Variants in WIPI1 observed in about 807,000 individuals in gnomAD.
WIPI1 encodes the protein WD repeat domain, phosphoinositide interacting 1.
In WIPI1, 45 loss-of-function variants were observed where a neutral mutation model predicts 55.3. The observed-to-expected ratio is 0.81, with a 90% CI of 0.64 to 1.04. The LOEUF is 1.04. Ranked by LOEUF, WIPI1 falls within the 50% of genes least tolerant of loss-of-function variation. The pLI, the probability that WIPI1 is intolerant of heterozygous loss-of-function variation, is 0.00. For synonymous variants in WIPI1, 195 were observed against 217.6 expected (o/e 0.90, Z 0.92); for missense variants, 445 against 559.0 (o/e 0.80, Z 2.06).
intron 8 of WIPI1, among the ~76,000 whole-genome samples, chr17:68,431,913 T>C (rs1472203815): frequency 6.6e-6 from 1 of 152,142 alleles, no homozygotes; most frequent in African/African-American, 2.4e-5. Context: ...GCAATTGCGA[T>C]CACTCACTCG....
rs1442260130 is a variant in WIPI1 at position 68,428,809 on chromosome 17, T to C, written c.1073+20A>G. The C allele has an allele frequency of 6.3e-7, 1 of 1,590,792 alleles. No individual in the cohort carries two copies. The highest frequency in any genetic ancestry group is 1.3e-5 in the African/African-American group (1 of 74,460). ...CGACCAGCTCTCGAAAGGCTGTCTT[T>C]TGAAAAGCAGTCTCTTCACCTGTGG... is the stretch of plus-strand genomic sequence containing the variant. On this transcript the variant is annotated intron_variant, in intron 10 of 12. Coordinates refer to ENST00000262139, the MANE Select transcript of WIPI1 (RefSeq NM_017983.7).
chr17:68,451,529 C>T (rs1021814992), intron 2 of WIPI1, among the ~76,000 whole-genome samples: 1 of 152,242 alleles, frequency 6.6e-6, no homozygotes, highest in African/African-American at 2.4e-5. Context: ...ATCTCCCCTC[C>T]AGACCCTAGG....
intron 4 of WIPI1, chr17:68,440,677 T>G (rs1031214860): frequency 6.6e-6 from 1 of 152,206 alleles, no homozygotes; most frequent in Non-Finnish European, 1.5e-5. Context: ...CCACTGTAAT[T>G]GTTTGGCTGT....
Position 68,435,138 on chromosome 17 carries a change from C to T in WIPI1, c.621+482G>A, listed in dbSNP as rs770114955. 2.7e-5 allele frequency among the ~76,000 whole-genome samples: 4 copies of T among 149,956 alleles called. No individual in the cohort carries two copies. In the East Asian group the frequency reaches 5.9e-4, roughly 22 times the overall value. ...AGGAGAATCACTTAAACCTGGGAGG[C>T]GGAGGTTGCAGTGAGCCGAGATTGC... is the stretch of plus-strand genomic sequence containing the variant. On this transcript the variant is annotated intron_variant, in intron 6 of 12. Coordinates refer to ENST00000262139, the MANE Select transcript of WIPI1 (RefSeq NM_017983.7).
At chr17:68,450,691 C>T in intron 3 of WIPI1, 37 bp downstream of exon 3, 1 of 1,571,856 alleles carries the variant, frequency 6.4e-7, no homozygotes, top group Non-Finnish European at 8.6e-7. Flanking sequence ...CTCCCGTTAG[C>T]AGAAGCTTTG....
chr17:68,434,505 C>T, intron 7 of WIPI1, 51 bp downstream of exon 7: 1 of 1,603,758 alleles, frequency 6.2e-7, no homozygotes. Context: ...CCAGCGGTCC[C>T]TGCGGGACTT....
intron 1 of WIPI1, among the ~76,000 whole-genome samples, chr17:68,456,926 C>G (rs2084658310): frequency 6.6e-6 from 1 of 152,160 alleles, no homozygotes; most frequent in Admixed American, 6.5e-5. Flanking sequence ...TTCCTGGGCC[C>G]CAACTACAGA....
intron 8 of WIPI1, among the ~76,000 whole-genome samples, chr17:68,432,473 A>T (rs978502317): frequency 1.3e-5 from 2 of 152,202 alleles, no homozygotes; most frequent in African/African-American, 4.8e-5. Flanking sequence ...GTGAAATCAT[A>T]AATGTGGCTG....
chr17:68,433,981 C>T (rs1199639322), intron 7 of WIPI1, among the ~76,000 whole-genome samples: 4 of 151,914 alleles, frequency 2.6e-5, no homozygotes, highest in Non-Finnish European at 5.9e-5. Context: ...CGGTGTTTCA[C>T]CATGTTGGCC....
At chr17:68,457,138 CTG>C (rs2084664231) in intron 1 of WIPI1, among the ~76,000 whole-genome samples, 1 of 151,370 alleles carries the variant, frequency 6.6e-6, no homozygotes, top group Admixed American at 6.6e-5. Context: ...TGGGAGGACA[CTG>C]GGAGTGGGGT....
At chr17:68,426,008 T>C (rs1379323605) in intron 12 of WIPI1, 67 bp downstream of exon 12, 1 of 1,265,442 alleles carries the variant, frequency 7.9e-7, no homozygotes. Context: ...CTGCCTCTCG[T>C]ATGAGGCGAA....
At chr17:68,453,780 A>G (rs1008267204) in intron 1 of WIPI1, among the ~76,000 whole-genome samples, 1 of 152,104 alleles carries the variant, frequency 6.6e-6, no homozygotes, top group Non-Finnish European at 1.5e-5. Flanking sequence ...TCTAAGAAAT[A>G]CACTTTCAAA....
intron 8 of WIPI1, among the ~76,000 whole-genome samples, chr17:68,432,063 A>C (rs185286460): frequency 1.3e-5 from 2 of 152,342 alleles, no homozygotes; most frequent in East Asian, 3.9e-4. Context: ...AAATCCTAAA[A>C]AGTGGATATA....
In WIPI1 at chr17:68,426,143, C is replaced by T; in HGVS notation, c.1225G>A (p.Glu409Lys). ...YSEDGGALRG[E>K]VIPEHEFATG... ...GCAAACTCATGTTCAGGAATAACTTCTCCTCGCAGCGCCCCGCCGTCCTCA... is the reference window on the plus strand; with the variant it reads ...GCAAACTCATGTTCAGGAATAACTTTTCCTCGCAGCGCCCCGCCGTCCTCA... The change falls in exon 12 of 13, where the codon GAA (glutamate) becomes AAA (lysine). Residue 409 changes from glutamate (E) to lysine (K), a missense_variant. By Grantham distance (56) the Glu-to-Lys change is moderately conservative. Coordinates refer to ENST00000262139, the MANE Select transcript of WIPI1 (RefSeq NM_017983.7). The T allele has an allele frequency of 6.2e-7, 1 of 1,612,184 alleles. No individual in the cohort carries two copies. The highest frequency in any genetic ancestry group is 2.2e-5 in the East Asian group (1 of 44,866).
chr17:68,436,247 C>T (rs1388831718), intron 5 of WIPI1, 135 bp downstream of exon 5: 3 of 767,012 alleles, frequency 3.9e-6, no homozygotes, highest in Admixed American at 2.2e-5. Context: ...GTATCACCTT[C>T]TCTTGAACAA....
chr17:68,425,837 T>G, intron 12 of WIPI1: 1 of 438,652 alleles, frequency 2.3e-6, no homozygotes, highest in Non-Finnish European at 4.1e-6. Flanking sequence ...CAAGACTCCC[T>G]GGATTAGTAT....
chr17:68,427,380 A>C (rs980897665), intron 10 of WIPI1, 127 bp from the exon 11 acceptor site: 38 of 731,068 alleles, frequency 5.2e-5, no homozygotes, highest in Non-Finnish European at 7.9e-5. Context: ...TTTTTGAGGC[A>C]GGGTCTTGCT....
At position 68,430,109 on chromosome 17, in the gene WIPI1, C is replaced by T. The variant is rs924328806; in HGVS notation, c.852G>A (p.Met284Ile). 1.2e-6 allele frequency: 2 copies of T among 1,614,082 alleles called. No individual in the cohort carries two copies. Among genetic ancestry groups the T allele is most frequent in the Admixed American group, 1.7e-5 (1 of 60,000 alleles). ...GGGTAGGGAGGTAGTTGGTAGCAGC[C>T]ATAAACATCTTTCCCATGTAGCCAC... ...TWSGYMGKMF[M>I]AATNYLPTQV... Residue 284 changes from methionine (M) to isoleucine (I), a missense_variant, in exon 9 of 13, where the codon ATG becomes ATA. Transcript: ENST00000262139.
intron 8 of WIPI1, among the ~76,000 whole-genome samples, chr17:68,431,639 A>G (rs2083516115): frequency 4.2e-5 from 2 of 48,084 alleles, no homozygotes; most frequent in Admixed American, 2.4e-4. Flanking sequence ...GGAAAGTCAG[A>G]CCAAATGTAA....
Sources: allele counts gnomAD v4.1 joint callset (sites outside exome capture counted in the v4.1 genomes callset), GRCh38; gene constraint gnomAD v4.1.1; transcripts MANE v1.5; gene names NCBI Gene and HGNC (gene_info 2026-07-23, HGNC 2026-07-21).